The following DYM variants were observed in gnomAD, a reference collection of about 807,000 sequenced individuals.
The protein encoded by DYM is dymeclin, also known as dyggve-Melchior-Clausen syndrome protein.
In DYM, 78 loss-of-function variants were observed where a neutral mutation model predicts 93.1. That is an observed-to-expected ratio of 0.84 (90% CI 0.70 to 1.01). DYM has a LOEUF of 1.01. Among genes scored for constraint, DYM ranks in the 50% least tolerant of loss-of-function variants. The pLI, the probability that DYM is intolerant of heterozygous loss-of-function variation, is 0.00. For missense variants in DYM, 789 were observed against 845.0 expected, an observed-to-expected ratio of 0.93 and a Z score of 0.82; for synonymous variants, 321 against 319.7, an observed-to-expected ratio of 1.00 and a Z score of -0.04.
At chr18:49,321,274 T>G in intron 8 of DYM, 2 of 397,830 alleles carry the variant, frequency 5.0e-6, no homozygotes, top group Non-Finnish European at 8.9e-6. Flanking sequence ...CAGGATTTCA[T>G]CTGCAATTGA....
At chr18:49,162,482 C>T (rs1222656698) in intron 15 of DYM, among the ~76,000 whole-genome samples, 1 of 152,182 alleles carries the variant, frequency 6.6e-6, no homozygotes. Context: ...CCTATGCTAA[C>T]CTATTAATCC....
intron 1 of DYM, among the ~76,000 whole-genome samples, chr18:49,455,894 A>C (rs1278646052): frequency 3.3e-5 from 5 of 151,902 alleles, no homozygotes; most frequent in Non-Finnish European, 7.4e-5. Flanking sequence ...GGTTGCAGTG[A>C]GCCGAGATCC....
chr18:49,289,183 T>C (rs1282399782), intron 8 of DYM, among the ~76,000 whole-genome samples: 1 of 152,126 alleles, frequency 6.6e-6, no homozygotes. Context: ...GAAATTTTGT[T>C]AGTATTTAAT....
intron 2 of DYM, among the ~76,000 whole-genome samples, chr18:49,400,698 C>T (rs1220035772): frequency 4.7e-5 from 7 of 149,862 alleles, no homozygotes; most frequent in Non-Finnish European, 1.0e-4. Context: ...AAAAGCAACA[C>T]ACCAATTATT....
chr18:49,410,114 G>A (rs1194314125), intron 2 of DYM, among the ~76,000 whole-genome samples: 1 of 152,150 alleles, frequency 6.6e-6, no homozygotes, highest in Non-Finnish European at 1.5e-5. Flanking sequence ...TCCCAAGGCT[G>A]GATTACAGTG....
chr18:49,297,121 G>C (rs1448063052), intron 8 of DYM, among the ~76,000 whole-genome samples: 1 of 152,114 alleles, frequency 6.6e-6, no homozygotes, highest in Non-Finnish European at 1.5e-5. Flanking sequence ...GTGTCAATTG[G>C]CTTTAATCCT....
At chr18:49,272,014 A>AG (rs2094714292) in intron 11 of DYM, among the ~76,000 whole-genome samples, 164 bp downstream of exon 11, 1 of 151,518 alleles carries the variant, frequency 6.6e-6, no homozygotes, top group African/African-American at 2.4e-5. Flanking sequence ...TGGAAAAAAA[A>AG]AAAAAAAAAG....
At chr18:49,455,977 C>T (rs922341230) in intron 1 of DYM, among the ~76,000 whole-genome samples, 1 of 152,020 alleles carries the variant, frequency 6.6e-6, no homozygotes, top group African/African-American at 2.4e-5. Flanking sequence ...TGCTAATTCC[C>T]TACCCAATCT....
intron 14 of DYM, among the ~76,000 whole-genome samples, chr18:49,183,889 C>T (rs1249374749): frequency 6.6e-6 from 1 of 152,058 alleles, no homozygotes; most frequent in Non-Finnish European, 1.5e-5. Context: ...AAAGAGACAC[C>T]ACAGATCTCT....
intron 14 of DYM, among the ~76,000 whole-genome samples, chr18:49,187,525 T>C (rs1027573634): frequency 3.3e-5 from 5 of 152,232 alleles, no homozygotes; most frequent in Non-Finnish European, 7.3e-5. Flanking sequence ...CAATTAATTC[T>C]AGGTAACACT....
intron 6 of DYM, among the ~76,000 whole-genome samples, chr18:49,335,255 G>C (rs1449400307): frequency 1.3e-5 from 2 of 152,272 alleles, no homozygotes; most frequent in African/African-American, 2.4e-5. Context: ...AAGTATTGTA[G>C]AACAATCTCT....
chr18:49,163,058 T>C (rs879575210), intron 15 of DYM, among the ~76,000 whole-genome samples: 1 of 152,250 alleles, frequency 6.6e-6, no homozygotes, highest in Admixed American at 6.5e-5. Flanking sequence ...TAAGGAATCT[T>C]TGCATACTTC....
At chr18:49,293,717 C>T (rs2060327815) in intron 8 of DYM, among the ~76,000 whole-genome samples, 1 of 152,014 alleles carries the variant, frequency 6.6e-6, no homozygotes, top group African/African-American at 2.4e-5. Flanking sequence ...TGGATATTAG[C>T]CTTCTGTCAG....
chr18:49,118,576 A>G (rs2082112363), intron 16 of DYM, 168 bp downstream of exon 16: 1 of 669,758 alleles, frequency 1.5e-6, no homozygotes, highest in Non-Finnish European at 2.6e-6. Context: ...GTGTGTATAT[A>G]CAACACACAC....
chr18:49,364,444 CAAAA>C (rs1298142988), intron 5 of DYM, among the ~76,000 whole-genome samples: 2 of 138,526 alleles, frequency 1.4e-5, no homozygotes, highest in South Asian at 2.3e-4. Flanking sequence ...GACTGTGTCT[CAAAA>C]AAAAAAAAGA....
At chr18:49,280,798 A>G (rs117144741) in intron 10 of DYM, among the ~76,000 whole-genome samples, 1 of 152,238 alleles carries the variant, frequency 6.6e-6, no homozygotes, top group Admixed American at 6.5e-5. Flanking sequence ...TTTCTCCAAA[A>G]TATTATAAAA....
chr18:49,070,044 A>G (rs543948873), intron 17 of DYM, among the ~76,000 whole-genome samples: 1 of 152,314 alleles, frequency 6.6e-6, no homozygotes, highest in East Asian at 1.9e-4. Flanking sequence ...CTGTCTCAAA[A>G]ACAGACAAAT....
At chr18:49,234,521 C>T (rs2093803935) in intron 13 of DYM, among the ~76,000 whole-genome samples, 1 of 152,126 alleles carries the variant, frequency 6.6e-6, no homozygotes, top group Admixed American at 6.5e-5. Context: ...TATCCTGTGG[C>T]TTGAACTAAG....
intron 14 of DYM, among the ~76,000 whole-genome samples, chr18:49,200,681 G>A (rs1424824234): frequency 6.6e-6 from 1 of 151,444 alleles, no homozygotes; most frequent in African/African-American, 2.4e-5. Flanking sequence ...AATGACTTTT[G>A]GTAAATACTT....
Sources: allele counts gnomAD v4.1 joint callset (sites outside exome capture counted in the v4.1 genomes callset), GRCh38; gene constraint gnomAD v4.1.1; transcripts MANE v1.5; gene names NCBI Gene and HGNC (gene_info 2026-07-23, HGNC 2026-07-21).